The following CDC42BPA variants were observed in gnomAD, a reference collection of about 807,000 sequenced individuals.
CDC42BPA encodes the protein serine/threonine-protein kinase MRCK alpha.
In CDC42BPA, 80 loss-of-function variants were observed where a neutral mutation model predicts 223.5. The ratio of observed to expected loss-of-function variants is 0.36; its 90% confidence interval spans 0.30 to 0.43. The LOEUF is 0.43. Ranked by LOEUF, CDC42BPA falls within the 20% of genes least tolerant of loss-of-function variation. The probability of loss-of-function intolerance (pLI) is 1.00; values close to 1 mark genes in which losing one functional copy is unlikely to be tolerated. For missense variants in CDC42BPA, 1,743 were observed against 2,099.9 expected (o/e 0.83, Z 3.32); for synonymous variants, 694 against 718.6 (o/e 0.97, Z 0.55).
intron 1 of CDC42BPA, among the ~76,000 whole-genome samples, chr1:227,299,240 G>A (rs1572942995): frequency 1.3e-5 from 2 of 152,046 alleles, no homozygotes; most frequent in Admixed American, 1.3e-4. Flanking sequence ...AAACAATTAG[G>A]GTTTTCAAAA....
At chr1:227,064,997 T>A (rs1436434692) in intron 21 of CDC42BPA, among the ~76,000 whole-genome samples, 1 of 151,942 alleles carries the variant, frequency 6.6e-6, no homozygotes, top group African/African-American at 2.4e-5. Flanking sequence ...CTCGGGAGGC[T>A]GAGGCAGGAG....
At chr1:227,099,123 A>G (rs1276653794) in intron 15 of CDC42BPA, among the ~76,000 whole-genome samples, 2 of 152,160 alleles carry the variant, frequency 1.3e-5, no homozygotes, top group Non-Finnish European at 2.9e-5. Context: ...CGGCAGTATA[A>G]AAGTATAGCA....
At position 226,997,238 on chromosome 1, in the gene CDC42BPA, T is replaced by C. The variant is rs1365385245; in HGVS notation, c.4976-2258A>G. Among the ~76,000 whole-genome samples, 5 of 152,226 alleles carry C rather than the reference T, an allele frequency of 3.3e-5. No homozygotes were observed. The East Asian group carries it at 7.7e-4, about 23-fold the overall frequency. On this transcript the variant is annotated intron_variant, in intron 35 of 36. Transcript: ENST00000366766. ...ATTTCTTCTAGATTTTCTATTTTATTTCTGTAGAGGTGTTTATAGTATTCT... is the reference window on the plus strand; with the variant it reads ...ATTTCTTCTAGATTTTCTATTTTATCTCTGTAGAGGTGTTTATAGTATTCT...
chr1:227,261,695 C>T (rs1684106495), intron 1 of CDC42BPA, among the ~76,000 whole-genome samples: 1 of 152,112 alleles, frequency 6.6e-6, no homozygotes, highest in African/African-American at 2.4e-5. Flanking sequence ...CTAACAGGTG[C>T]CTGTTAGGGA....
At chr1:227,233,986 C>T (rs1279229014) in intron 2 of CDC42BPA, among the ~76,000 whole-genome samples, 2 of 151,658 alleles carry the variant, frequency 1.3e-5, no homozygotes, top group South Asian at 2.1e-4. Flanking sequence ...GTAGTCTCTG[C>T]AGCATGTAGA....
rs745476199 is a variant in CDC42BPA at position 227,010,895 on chromosome 1, T to G, written c.4857+5185A>C. 1.0e-5 allele frequency: 14 copies of G among 1,363,744 alleles called. No individual in the cohort carries two copies. The African/African-American group carries it at 2.1e-4, about 20-fold the overall frequency. The allele number at this position is 1,363,744 out of a possible 1,614,324, so 84.5% of individuals were successfully genotyped here. A position where few individuals can be genotyped will look rare whatever the true frequency, so the allele number is the denominator to read the frequency against. On this transcript the variant is annotated intron_variant, in intron 34 of 36. Transcript: ENST00000366766. ...GTTCATACCCTCAGAGTCATAAAGC[T>G]TGGTGTACCAGGGACAGAGCGCAGA...
intron 9 of CDC42BPA, among the ~76,000 whole-genome samples, chr1:227,142,101 A>G (rs931502703): frequency 1.1e-4 from 17 of 152,252 alleles, no homozygotes; most frequent in African/African-American, 3.9e-4. Flanking sequence ...TAGACCAGTA[A>G]GAATAGTCAG....
intron 16 of CDC42BPA, among the ~76,000 whole-genome samples, chr1:227,083,647 T>TA (rs1343333398): frequency 6.6e-6 from 1 of 152,240 alleles, no homozygotes; most frequent in Non-Finnish European, 1.5e-5. Context: ...ACATATCGTG[T>TA]ATACAAACTT....
chr1:227,013,604 T>G (rs554562208), intron 34 of CDC42BPA, among the ~76,000 whole-genome samples: 16 of 152,236 alleles, frequency 1.1e-4, no homozygotes, highest in Non-Finnish European at 2.2e-4. Context: ...AGTAACATTC[T>G]GTTAAACACT....
Position 227,018,933 on chromosome 1 carries a change from G to A in CDC42BPA, c.4616-1883C>T, listed in dbSNP as rs150775620. The stretch of plus-strand genomic sequence containing the variant: ...GTTGATAGTTGGAGGGTCTTACCTC[G>A]ATGTGGATAAGCTGCTGACTGAGCA... On this transcript the variant is annotated intron_variant, in intron 32 of 36. Transcript: ENST00000366766. Among the ~76,000 whole-genome samples the A allele has an allele frequency of 1.2e-3, 178 of 152,286 alleles. 2 individuals are homozygous for A. The East Asian group carries it at 0.027, about 23-fold the overall frequency.
intron 5 of CDC42BPA, among the ~76,000 whole-genome samples, chr1:227,169,879 C>A (rs1665786616): frequency 1.3e-5 from 2 of 152,106 alleles, no homozygotes; most frequent in African/African-American, 4.8e-5. Context: ...AGTCACTAGC[C>A]CTCCTCATAC....
intron 2 of CDC42BPA, among the ~76,000 whole-genome samples, chr1:227,218,220 T>TA (rs1417498677): frequency 1.3e-5 from 2 of 151,046 alleles, no homozygotes; most frequent in Admixed American, 1.3e-4. Flanking sequence ...TACAACTGTG[T>TA]ATTTTGTGAT....
intron 10 of CDC42BPA, among the ~76,000 whole-genome samples, chr1:227,132,273 C>G (rs1188005320): frequency 6.6e-6 from 1 of 152,170 alleles, no homozygotes; most frequent in Non-Finnish European, 1.5e-5. Context: ...CCGAGTGCCT[C>G]AGGCGCGCCG....
chr1:227,166,522 G>T (rs7549822), intron 5 of CDC42BPA, among the ~76,000 whole-genome samples: 103,797 of 152,034 alleles, frequency 0.68, 35,653 homozygotes, highest in South Asian at 0.73. Context: ...TCGAGCAAAA[G>T]AAAACATTTG....
rs189431122 is a variant in CDC42BPA, at chr1:227,060,453, A to G, written c.2905-8468T>C. ...CAAGGGATTGAAAGATAAACAAGAC[A>G]TGGAAGTTCACAGACTGGTAGAGAA... On this transcript the variant is annotated intron_variant, in intron 21 of 36. Coordinates refer to ENST00000366766, the MANE Select transcript of CDC42BPA (RefSeq NM_001394014.1). Among the ~76,000 whole-genome samples the G allele has an allele frequency of 1.6e-3, 237 of 152,288 alleles. 2 individuals are homozygous for G. Among genetic ancestry groups the G allele is most frequent in the African/African-American group, 5.5e-3 (227 of 41,576 alleles).
chr1:227,056,089 C>A (rs937705617), intron 21 of CDC42BPA, among the ~76,000 whole-genome samples: 3 of 152,098 alleles, frequency 2.0e-5, no homozygotes, highest in Non-Finnish European at 2.9e-5. Flanking sequence ...TTTTAGATGA[C>A]CCACTTATCA....
chr1:227,082,082 CA>C (rs1558454615), intron 16 of CDC42BPA, among the ~76,000 whole-genome samples: 1 of 152,074 alleles, frequency 6.6e-6, no homozygotes, highest in Non-Finnish European at 1.5e-5. Context: ...GGCTGGAGTG[CA>C]GTGGTGTGAT....
intron 5 of CDC42BPA, among the ~76,000 whole-genome samples, chr1:227,163,731 TAAA>T (rs11314121): frequency 7.1e-5 from 10 of 140,446 alleles, no homozygotes; most frequent in Middle Eastern, 3.7e-3. Context: ...TTCTTATTTG[TAAA>T]AAAAAAAAAT....
At chr1:227,121,124 G>A (rs1166399170) in intron 11 of CDC42BPA, among the ~76,000 whole-genome samples, 1 of 152,116 alleles carries the variant, frequency 6.6e-6, no homozygotes, top group African/African-American at 2.4e-5. Flanking sequence ...CCCGAGAATT[G>A]GGGATCTCTG....
Sources: allele counts gnomAD v4.1 joint callset (sites outside exome capture counted in the v4.1 genomes callset), GRCh38; gene constraint gnomAD v4.1.1; transcripts MANE v1.5; gene names NCBI Gene and HGNC (gene_info 2026-07-23, HGNC 2026-07-21).